The following COL21A1 variants were observed in gnomAD, a reference collection of about 807,000 sequenced individuals.
COL21A1 encodes the protein collagen type XXI alpha 1 chain, also known as collagen alpha-1(XXI) chain.
A neutral mutation model predicts 137.9 loss-of-function variants in COL21A1; 149 were observed. That is an observed-to-expected ratio of 1.08 (90% CI 0.95 to 1.24). The LOEUF (loss-of-function observed/expected upper bound fraction) is 1.24, where lower values mean the gene tolerates loss of function less well. Ranked by LOEUF, COL21A1 falls within the 50% of genes most tolerant of loss-of-function variation. The pLI is 0.00. For synonymous variants in COL21A1, 456 were observed against 391.5 expected, an observed-to-expected ratio of 1.16 and a Z score of -1.95; for missense variants, 1,167 against 1,158.4, an observed-to-expected ratio of 1.01 and a Z score of -0.11.
intron 12 of COL21A1, among the ~76,000 whole-genome samples, chr6:56,129,777 C>G (rs1773372799): frequency 6.6e-6 from 1 of 150,776 alleles, no homozygotes; most frequent in Non-Finnish European, 1.5e-5. Flanking sequence ...AAGCCTATAA[C>G]ACCCTAGAAC....
chr6:56,090,348 C>G lies in COL21A1; in HGVS notation c.1812+11124G>C, dbSNP rs572160972. ...TTTATGTTATTGTTTGATGGTAGTC[C>G]AGTTTTGCTATGTCAATGATATTTA... On this transcript the variant is annotated intron_variant, in intron 17 of 29. Transcript: ENST00000244728. 1.2e-3 allele frequency among the ~76,000 whole-genome samples: 190 copies of G among 152,228 alleles called. 3 individuals carry two copies. The highest frequency in any genetic ancestry group is 4.3e-3 in the African/African-American group (178 of 41,526).
intron 1 of COL21A1, among the ~76,000 whole-genome samples, chr6:56,268,650 T>C (rs1185967347): frequency 1.3e-5 from 2 of 152,148 alleles, no homozygotes; most frequent in Non-Finnish European, 2.9e-5. Flanking sequence ...ATACTCAACT[T>C]ACACCACAGA....
At chr6:56,365,054 A>T (rs1766066958) in intron 1 of COL21A1, among the ~76,000 whole-genome samples, 1 of 152,138 alleles carries the variant, frequency 6.6e-6, no homozygotes, top group Non-Finnish European at 1.5e-5. Context: ...TCCAGGAAAC[A>T]TACTTCTTGG....
intron 1 of COL21A1, among the ~76,000 whole-genome samples, chr6:56,328,898 T>C (rs1197134497): frequency 6.6e-6 from 1 of 152,032 alleles, no homozygotes; most frequent in Non-Finnish European, 1.5e-5. Flanking sequence ...CAGCTGAATC[T>C]AAATACTCCA....
intron 1 of COL21A1, among the ~76,000 whole-genome samples, chr6:56,343,095 A>C (rs1404623862): frequency 6.6e-6 from 1 of 152,318 alleles, no homozygotes; most frequent in South Asian, 2.1e-4. Flanking sequence ...TCCCAGGAAA[A>C]TGATGTTTGC....
chr6:56,129,376 A>C (rs557260811), intron 12 of COL21A1, among the ~76,000 whole-genome samples: 46 of 152,066 alleles, frequency 3.0e-4, no homozygotes, highest in Non-Finnish European at 5.9e-4. Context: ...TTGACTTTAT[A>C]AGTGACAGCA....
At chr6:56,340,388 G>A (rs1231553991) in intron 1 of COL21A1, among the ~76,000 whole-genome samples, 1 of 119,658 alleles carries the variant, frequency 8.4e-6, no homozygotes, top group African/African-American at 3.1e-5. Context: ...AAGGCACACA[G>A]GGAGGAGGAG....
intron 1 of COL21A1, among the ~76,000 whole-genome samples, chr6:56,201,100 T>G (rs1167922142): frequency 6.6e-6 from 1 of 152,184 alleles, no homozygotes; most frequent in Admixed American, 6.5e-5. Flanking sequence ...CATAAATGTC[T>G]TCTTTTGAGA....
chr6:56,170,966 AG>A lies in COL21A1; in HGVS notation c.802del (p.Leu268SerfsTer34), dbSNP rs772502037. On this transcript the variant is annotated frameshift_variant, in exon 4 of 30. Transcript: ENST00000244728. LOFTEE classifies it high-confidence loss of function. ...EVTSKVDLSE[L>X]TSNVFPEGLP... ...GTCAACATATAATGCATACCTTGTGAGTTCTGATAAATCAACTTTTGATGTT... is the reference window on the plus strand; with the variant it reads ...GTCAACATATAATGCATACCTTGTGATTCTGATAAATCAACTTTTGATGTT... 1.2e-6 allele frequency: 2 copies of A among 1,601,508 alleles called. No individual in the cohort carries two copies. The highest frequency in any genetic ancestry group is 2.3e-5 in the South Asian group (2 of 88,574).
intron 1 of COL21A1, among the ~76,000 whole-genome samples, chr6:56,343,363 C>G (rs1582794740): frequency 6.6e-6 from 1 of 152,192 alleles, no homozygotes; most frequent in Non-Finnish European, 1.5e-5. Context: ...AGAAGCCTTC[C>G]TAGTCTGTCC....
intron 1 of COL21A1, among the ~76,000 whole-genome samples, chr6:56,281,262 T>C (rs1763780355): frequency 1.3e-5 from 2 of 152,180 alleles, no homozygotes; most frequent in Admixed American, 6.5e-5. Context: ...TTGAAGATCA[T>C]TGCCTTTCAA....
intron 1 of COL21A1, among the ~76,000 whole-genome samples, chr6:56,240,915 C>T (rs1041159614): frequency 6.6e-6 from 1 of 152,176 alleles, no homozygotes; most frequent in Non-Finnish European, 1.5e-5. Flanking sequence ...TTCACACTCA[C>T]ATGTTTGCTG....
chr6:56,198,590 C>T (rs1048072582), intron 1 of COL21A1, among the ~76,000 whole-genome samples: 4 of 152,048 alleles, frequency 2.6e-5, no homozygotes, highest in African/African-American at 9.7e-5. Context: ...ACAAGGCCTG[C>T]AGCACAATCC....
intron 1 of COL21A1, among the ~76,000 whole-genome samples, chr6:56,337,517 G>A (rs1405631464): frequency 6.6e-6 from 1 of 152,190 alleles, no homozygotes; most frequent in Non-Finnish European, 1.5e-5. Flanking sequence ...CACCAATCCA[G>A]GTTTCTGGTT....
At position 56,386,651 on chromosome 6, in the gene COL21A1, G is replaced by A. The variant is rs985876629; in HGVS notation, c.-39+7320C>T. Among the ~76,000 whole-genome samples the A allele has an allele frequency of 4.0e-5, 6 of 151,868 alleles. No individual in the cohort carries two copies. The South Asian group carries it at 1.0e-3, about 26-fold the overall frequency. ...AGCCTAAGGGGTGTGAAGTGATCTC[G>A]TTATGGCTTTGATTTGCATTTCCCT... On this transcript the variant is annotated intron_variant, in intron 1 of 28. Coordinates refer to the COL21A1 transcript ENST00000370819.
At chr6:56,072,955 A>G (rs188975913) in intron 20 of COL21A1, among the ~76,000 whole-genome samples, 18 of 151,676 alleles carry the variant, frequency 1.2e-4, no homozygotes, top group African/African-American at 3.9e-4. Context: ...AAACTGTGAT[A>G]CTGGAAATCC....
chr6:56,229,081 A>T (rs1361065619), intron 1 of COL21A1, among the ~76,000 whole-genome samples: 1 of 151,912 alleles, frequency 6.6e-6, no homozygotes, highest in Non-Finnish European at 1.5e-5. Flanking sequence ...CTTTTCTATA[A>T]AGGATATGCA....
chr6:56,222,961 T>G (rs1408767179), intron 1 of COL21A1, among the ~76,000 whole-genome samples: 1 of 151,954 alleles, frequency 6.6e-6, no homozygotes, highest in African/African-American at 2.4e-5. Flanking sequence ...GTGAGTATCA[T>G]GTGACTCAAT....
intron 1 of COL21A1, among the ~76,000 whole-genome samples, chr6:56,316,971 C>T (rs1764754032): frequency 6.6e-6 from 1 of 152,032 alleles, no homozygotes; most frequent in Non-Finnish European, 1.5e-5. Flanking sequence ...AAGACTGCAG[C>T]CCCAAGGAGT....
Sources: gnomAD v4.1 joint callset for allele counts (sites outside exome capture counted in the v4.1 genomes callset) on GRCh38, gnomAD v4.1.1 for gene constraint, MANE v1.5 for transcripts, NCBI Gene and HGNC (gene_info 2026-07-23, HGNC 2026-07-21) for gene names.